SPG7: variants seen among roughly 807,000 people sequenced by gnomAD.
The protein encoded by SPG7 is mitochondrial inner membrane m-AAA protease component paraplegin.
In SPG7, 103 loss-of-function variants were observed where a neutral mutation model predicts 81.9. The observed-to-expected ratio is 1.26, with a 90% confidence interval of 1.07 to 1.48. SPG7 has a LOEUF of 1.48. Among genes scored for constraint, SPG7 ranks in the 40% most tolerant of loss-of-function variants. The pLI is 0.00. For synonymous variants in SPG7, 534 were observed against 444.2 expected, an observed-to-expected ratio of 1.20 and a Z score of -2.54; for missense variants, 1,241 against 1,087.3, an observed-to-expected ratio of 1.14 and a Z score of -1.99.
intron 4 of SPG7, 93 bp from the exon 5 acceptor site, chr16:89,526,235 AT>A (rs1485835702): frequency 6.9e-7 from 1 of 1,450,052 alleles, no homozygotes; most frequent in African/African-American, 1.4e-5. Context: ...TGAGGTTGTC[AT>A]TACCATGAGT....
At position 89,541,197 on chromosome 16, in the gene SPG7, C is replaced by T. The variant is rs111950925; in HGVS notation, c.1325-3451C>T. On this transcript the variant is annotated intron_variant, in intron 9 of 16. Coordinates refer to ENST00000645818, the MANE Select transcript of SPG7 (RefSeq NM_003119.4). The stretch of plus-strand genomic sequence containing the variant: ...GGTGTATCCTTATCACGGTGTTCTA[C>T]GCAGAAATAGAAGAGCTGAAACTGG... The T allele has an allele frequency of 6.2e-6, 6 of 971,002 alleles. No homozygotes were observed. The South Asian group carries it at 2.9e-4, about 47-fold the overall frequency. The allele number at this position is 971,002 out of a possible 1,614,324, so 60.1% of individuals were successfully genotyped here. A position where few individuals can be genotyped will look rare whatever the true frequency, so the allele number is the denominator to read the frequency against.
intron 3 of SPG7, among the ~76,000 whole-genome samples, chr16:89,515,864 C>G (rs1193459102): frequency 4.0e-5 from 6 of 151,302 alleles, no homozygotes; most frequent in African/African-American, 1.5e-4. Flanking sequence ...TGCGCCACCA[C>G]GCCCAGCTAA....
chr16:89,545,612 C>T, intron 10 of SPG7: 1 of 245,526 alleles, frequency 4.1e-6, no homozygotes, highest in South Asian at 3.9e-5. Flanking sequence ...ACTGTTTCTC[C>T]AGGGGACACT....
At chr16:89,550,443 G>A (rs1319675551) in intron 12 of SPG7, 51 bp from the exon 13 acceptor site, 2 of 1,337,588 alleles carry the variant, frequency 1.5e-6, no homozygotes, top group South Asian at 2.3e-5. Context: ...ACAGCGCTGG[G>A]ATTACAGGCG....
chr16:89,515,211 C>CA, intron 3 of SPG7, among the ~76,000 whole-genome samples: 1 of 151,132 alleles, frequency 6.6e-6, no homozygotes, highest in Non-Finnish European at 1.5e-5. Flanking sequence ...GCTGGGATTA[C>CA]AGGAGTGGGC....
intron 3 of SPG7, chr16:89,521,137 TC>T (rs2058182616): frequency 6.6e-6 from 1 of 152,222 alleles, no homozygotes; most frequent in Non-Finnish European, 1.5e-5. Context: ...TCCTGGGTGC[TC>T]TGTTGGCCTC....
chr16:89,509,201 G>GT (rs552996064), intron 1 of SPG7, among the ~76,000 whole-genome samples: 2 of 152,236 alleles, frequency 1.3e-5, no homozygotes, highest in East Asian at 3.9e-4. Context: ...TTGGGCTGAT[G>GT]TTTTTTTCTC....
chr16:89,529,458 CCT>C lies in SPG7; in HGVS notation c.759-14_759-13del, dbSNP rs750366666. 107 of 1,560,354 alleles carry C rather than the reference CCT, an allele frequency of 6.9e-5. No individual in the cohort carries two copies. The highest frequency in any genetic ancestry group is 1.2e-4 in the African/African-American group (9 of 73,926). ...GTGACACCGTCTGAGCCTGTGCCTG[CCT>C]CTCTTTCTTCCGGCAGTGCCCTGTA... On this transcript the variant is annotated splice_polypyrimidine_tract_variant and intron_variant, in intron 5 of 16. Coordinates refer to ENST00000645818, the MANE Select transcript of SPG7 (RefSeq NM_003119.4).
Position 89,508,550 on chromosome 16 carries a change from G to C in SPG7, c.133G>C (p.Ala45Pro). The change falls in exon 1 of 17, where the codon GCC (alanine) becomes CCC (proline). Residue 45 changes from alanine to proline, a missense_variant. Ala to Pro is a conservative substitution (Grantham distance 27). Coordinates refer to ENST00000645818, the MANE Select transcript of SPG7 (RefSeq NM_003119.4). ...GCCCGGGAGGGGGCGGCCGTACATG[G>C]CCAGCAGGCCTCCGGGGGACCTCGC... Reference protein sequence around the residue: ...ARPGRGRPYMASRPPGDLAEA... With the variant: ...ARPGRGRPYMPSRPPGDLAEA... 1 of 1,506,916 alleles carries C rather than the reference G, an allele frequency of 6.6e-7. No homozygotes were observed. The highest frequency in any genetic ancestry group is 8.8e-7 in the Non-Finnish European group (1 of 1,133,068). 93.3% of individuals were successfully genotyped at this position (1,506,916 alleles called of 1,614,324 possible).
At position 89,530,813 on chromosome 16, in the gene SPG7, A is replaced by G. The variant is rs4785691; in HGVS notation, c.987+5A>G. 0.45 allele frequency: 723,041 copies of G among 1,613,650 alleles called. 165,563 individuals are homozygous for G. Among genetic ancestry groups the G allele is most frequent in the East Asian group, 0.69 (30,814 of 44,854 alleles). ...GAGTTTGTGGATTATCTGAAGGTGAAAGCAGCGTGGGCCGGGAGGGAGGTG... is the reference window on the plus strand; with the variant it reads ...GAGTTTGTGGATTATCTGAAGGTGAGAGCAGCGTGGGCCGGGAGGGAGGTG... On this transcript the variant is annotated splice_donor_5th_base_variant and intron_variant, in intron 7 of 16. Coordinates refer to ENST00000645818, the MANE Select transcript of SPG7 (RefSeq NM_003119.4).
chr16:89,547,017 G>A (rs1432393692), intron 11 of SPG7: 2 of 461,286 alleles, frequency 4.3e-6, no homozygotes, highest in Non-Finnish European at 8.1e-6. Context: ...CAGAGATAGT[G>A]GAGTTATGTT....
chr16:89,536,841 C>T (rs1469181904), intron 9 of SPG7: 21 of 1,614,138 alleles, frequency 1.3e-5, no homozygotes, highest in Non-Finnish European at 1.7e-5. Flanking sequence ...GCTCCTGTCT[C>T]ACGGAGCCCA....
intron 10 of SPG7, 91 bp from the exon 11 acceptor site, chr16:89,546,567 G>C (rs113931037): frequency 2.2e-6 from 2 of 908,286 alleles, no homozygotes; most frequent in Admixed American, 3.7e-5. Context: ...CCAGCTACTT[G>C]GGGACCCCCC....
chr16:89,524,258 G>A lies in SPG7; in HGVS notation c.618+11G>A. 1.2e-6 allele frequency: 2 copies of A among 1,604,922 alleles called. No homozygotes were observed. The highest frequency in any genetic ancestry group is 8.5e-7 in the Non-Finnish European group (1 of 1,175,608). On this transcript the variant is annotated intron_variant, in intron 4 of 16. Transcript: ENST00000645818. ...GTGTTTGGGCGGCCTGTGAGTGAGG[G>A]TGCGGGAGGCCTGTGAGTGAGGGTG...
chr16:89,541,892 G>A (rs199665604), intron 9 of SPG7: 1 of 151,920 alleles, frequency 6.6e-6, no homozygotes, highest in Non-Finnish European at 1.5e-5. Context: ...GACACATAGC[G>A]GCCCGGTAGG....
chr16:89,540,624 C>G (rs1425274227), intron 9 of SPG7: 1 of 153,136 alleles, frequency 6.5e-6, no homozygotes, highest in African/African-American at 2.4e-5. Context: ...GACAACACCA[C>G]ACGCTGCTGA....
At chr16:89,550,777 C>T (rs2058626852) in intron 13 of SPG7, among the ~76,000 whole-genome samples, 168 bp downstream of exon 13, 1 of 152,136 alleles carries the variant, frequency 6.6e-6, no homozygotes, top group Non-Finnish European at 1.5e-5. Flanking sequence ...TGTCATGATC[C>T]ATGGAGCAGG....
intron 3 of SPG7, chr16:89,517,616 C>CTTTTTTTTTTTTTT (rs11318359): frequency 7.7e-6 from 1 of 130,314 alleles, no homozygotes; most frequent in Non-Finnish European, 1.6e-5. Context: ...TTGTCGTCGT[C>CTTTTTTTTTTTTTT]TTTTTTTTTT....
chr16:89,513,792 A>C (rs1418393081), intron 3 of SPG7, among the ~76,000 whole-genome samples: 1 of 152,206 alleles, frequency 6.6e-6, no homozygotes, highest in African/African-American at 2.4e-5. Flanking sequence ...AGCAGAGCTC[A>C]TCTTTCTAGA....
Sources: allele counts gnomAD v4.1 joint callset (sites outside exome capture counted in the v4.1 genomes callset), GRCh38; gene constraint gnomAD v4.1.1; transcripts MANE v1.5; gene names NCBI Gene and HGNC (gene_info 2026-07-23, HGNC 2026-07-21).